DYNC2H1: variants seen among roughly 807,000 people sequenced by gnomAD.
DYNC2H1 encodes cytoplasmic dynein 2 heavy chain 1.
In DYNC2H1, 410 loss-of-function variants were observed where a neutral mutation model predicts 570.0. The ratio of observed to expected loss-of-function variants is 0.72; its 90% CI spans 0.66 to 0.78. The LOEUF (loss-of-function observed/expected upper bound fraction) is 0.78, where lower values mean the gene tolerates loss of function less well. Among genes scored for constraint, DYNC2H1 ranks in the 30% least tolerant of loss-of-function variants. The pLI is 0.00. For missense variants in DYNC2H1, 4,865 were observed against 5,046.4 expected, an observed-to-expected ratio of 0.96 and a Z score of 1.09; for synonymous variants, 1,688 against 1,677.6, an observed-to-expected ratio of 1.01 and a Z score of -0.15.
At chr11:103,410,545 G>T (rs908476361) in intron 84 of DYNC2H1, among the ~76,000 whole-genome samples, 1 of 152,092 alleles carries the variant, frequency 6.6e-6, no homozygotes, top group African/African-American at 2.4e-5. Context: ...CAAGTCCTTT[G>T]AGTTTTAAGC....
Position 103,236,334 on chromosome 11 carries a change from C to T in DYNC2H1, c.9710-96C>T. 3.8e-6 allele frequency: 3 copies of T among 787,532 alleles called. No homozygotes were observed. In the East Asian group the frequency reaches 7.9e-5, roughly 21 times the overall value. 48.8% of individuals were successfully genotyped at this position (787,532 alleles called of 1,614,324 possible). Reference sequence around the variant, plus strand: ...AGAATGGGTTTCAAGTAAGGACTGTCATAGGACTTTTGTTTCGGAATAAAT... The same window carrying T: ...AGAATGGGTTTCAAGTAAGGACTGTTATAGGACTTTTGTTTCGGAATAAAT... On this transcript the variant is annotated intron_variant, in intron 62 of 88. Transcript: ENST00000375735.
rs1317008195 is a variant in DYNC2H1, at chr11:103,299,110, C to T, written c.11096-3983C>T. On this transcript the variant is annotated intron_variant, in intron 75 of 88. Transcript: ENST00000375735. The surrounding 1 kb of genome is among the most constrained non-coding windows in gnomAD (Gnocchi z 4.5). The stretch of plus-strand genomic sequence containing the variant: ...TTGAGGTATTGGAAATGTAAAGAGA[C>T]ATGTCCCCATACGGTGCTACAATAA... Among the ~76,000 whole-genome samples, 3 of 151,960 alleles carry T rather than the reference C, an allele frequency of 2.0e-5. No individual in the cohort carries two copies. Among genetic ancestry groups the T allele is most frequent in the Non-Finnish European group, 4.4e-5 (3 of 67,964 alleles).
At chr11:103,159,206 T>C (rs925075277) in intron 28 of DYNC2H1, among the ~76,000 whole-genome samples, 179 bp downstream of exon 28, 3 of 152,180 alleles carry the variant, frequency 2.0e-5, no homozygotes, top group Admixed American at 6.5e-5. Context: ...TTGACAAATA[T>C]AATACAGTGT....
chr11:103,298,285 C>T (rs530233531), intron 75 of DYNC2H1, among the ~76,000 whole-genome samples: 20 of 152,136 alleles, frequency 1.3e-4, no homozygotes, highest in African/African-American at 4.6e-4. Context: ...ATTGCTCAAA[C>T]GCATGTTAAA....
intron 52 of DYNC2H1, among the ~76,000 whole-genome samples, chr11:103,206,587 A>C (rs3016438): frequency 0.93 from 141,728 of 152,154 alleles, 66,038 homozygotes; most frequent in African/African-American, 0.94. Flanking sequence ...GAAGAACCAA[A>C]GGACACTGAG....
rs1447721690 is a variant in DYNC2H1, at chr11:103,446,146, TTGG to T, written c.12457-9036_12457-9034del. On this transcript the variant is annotated intron_variant, in intron 85 of 88. Coordinates refer to ENST00000375735, the MANE Select transcript of DYNC2H1 (RefSeq NM_001377.3). The surrounding 1 kb of genome is among the most constrained non-coding windows in gnomAD (Gnocchi z 4.5). ...TAAGTTTAGATGTCTTTTAGACATCTTGGTGGAAATGTCAGAGAAGTAATTGAT... is the reference window on the plus strand; with the variant it reads ...TAAGTTTAGATGTCTTTTAGACATCTTGGAAATGTCAGAGAAGTAATTGAT... 6.6e-6 allele frequency among the ~76,000 whole-genome samples: 1 copy of T among 152,144 alleles called. No homozygotes were observed. The highest frequency in any genetic ancestry group is 1.5e-5 in the Non-Finnish European group (1 of 68,034).
At chr11:103,336,552 G>C (rs934541080) in intron 82 of DYNC2H1, among the ~76,000 whole-genome samples, 3 of 152,048 alleles carry the variant, frequency 2.0e-5, no homozygotes, top group South Asian at 4.2e-4. Flanking sequence ...ATGAGAACAT[G>C]CAGTATTTGT....
In DYNC2H1 at chr11:103,199,367, G is replaced by A; in HGVS notation, c.7979G>A (p.Gly2660Asp). The A allele has an allele frequency of 6.2e-7, 1 of 1,610,014 alleles. No homozygotes were observed. The highest frequency in any genetic ancestry group is 8.5e-7 in the Non-Finnish European group (1 of 1,178,734). The part of the protein sequence containing the change: ...SLLLAGRSGV[G>D]RRTITSLVSH... Reference sequence around the variant, plus strand: ...CTATTAGCAGGACGCAGTGGTGTAGGTCGTCGGACCATCACTTCTTTAGTC... The same window carrying A: ...CTATTAGCAGGACGCAGTGGTGTAGATCGTCGGACCATCACTTCTTTAGTC... Residue 2660 changes from glycine (G) to aspartate (D), a missense_variant, in exon 49 of 89, where the codon GGT (glycine) becomes GAT (aspartate). Physicochemically the swap from Gly to Asp is moderately conservative, Grantham distance 94 (BLOSUM62 -1). This residue lies in a region of DYNC2H1 where 2,401 missense variants were observed against 2,454.6 expected (regional missense o/e 0.98). Transcript: ENST00000375735. The surrounding 1 kb of genome is among the most constrained non-coding windows in gnomAD (Gnocchi z 4.6).
intron 85 of DYNC2H1, among the ~76,000 whole-genome samples, chr11:103,452,948 C>T (rs1261785722): frequency 6.6e-6 from 1 of 151,932 alleles, no homozygotes; most frequent in African/African-American, 2.4e-5. Context: ...TGGAGGTAAA[C>T]TCGATAATCT....
chr11:103,240,878 TG>T (rs1415051184), intron 63 of DYNC2H1, among the ~76,000 whole-genome samples: 1 of 152,202 alleles, frequency 6.6e-6, no homozygotes, highest in Non-Finnish European at 1.5e-5. Flanking sequence ...AAGCTGATCA[TG>T]ATCAGACAGA....
chr11:103,339,963 G>A (rs1468380628), intron 82 of DYNC2H1, among the ~76,000 whole-genome samples: 1 of 152,186 alleles, frequency 6.6e-6, no homozygotes, highest in Admixed American at 6.5e-5. Flanking sequence ...TTCCAATGCA[G>A]TATCCCACAC....
At position 103,376,527 on chromosome 11, in the gene DYNC2H1, G is replaced by A. The variant is rs565136600; in HGVS notation, c.12156+18168G>A. Among the ~76,000 whole-genome samples the A allele has an allele frequency of 2.6e-5, 4 of 152,120 alleles. No homozygotes were observed. In the East Asian group the frequency reaches 5.8e-4, roughly 22 times the overall value. On this transcript the variant is annotated intron_variant, in intron 83 of 88. Transcript: ENST00000375735. ...GGCTAACATAAAGAATCCTGTAGTT[G>A]TAACAGAGTATTTTAAGCTGATAAT...
intron 84 of DYNC2H1, among the ~76,000 whole-genome samples, chr11:103,420,773 A>G (rs372782299): frequency 1.6e-4 from 25 of 152,336 alleles, no homozygotes; most frequent in African/African-American, 5.8e-4. Flanking sequence ...CTACAAAAAC[A>G]CACTGAGGAA....
At position 103,145,765 on chromosome 11, in the gene DYNC2H1, A is replaced by G. The variant is rs367893752; in HGVS notation, c.2703-2007A>G. Among the ~76,000 whole-genome samples, 12 of 152,342 alleles carry G rather than the reference A, an allele frequency of 7.9e-5. 1 individual carries two copies. Among genetic ancestry groups the G allele is most frequent in the African/African-American group, 2.9e-4 (12 of 41,574 alleles). Reference sequence around the variant, plus strand: ...TGTATTTTAGATAGTATCATAAGAAAATCATTTTTGAATATGCATCTTTGA... The same window carrying G: ...TGTATTTTAGATAGTATCATAAGAAGATCATTTTTGAATATGCATCTTTGA... On this transcript the variant is annotated intron_variant, in intron 18 of 88. Coordinates refer to ENST00000375735, the MANE Select transcript of DYNC2H1 (RefSeq NM_001377.3). This position sits in a 1 kb window ranked among gnomAD's most constrained non-coding sequence, Gnocchi z 4.2.
chr11:103,200,585 G>C (rs1490447203), intron 50 of DYNC2H1, among the ~76,000 whole-genome samples: 1 of 152,096 alleles, frequency 6.6e-6, no homozygotes, highest in African/African-American at 2.4e-5. Context: ...ACAAACATTT[G>C]ATAGAACCTT....
chr11:103,191,407 A>G lies in DYNC2H1; in HGVS notation c.7438-110A>G. The stretch of plus-strand genomic sequence containing the variant: ...GTCATTTATATTGAAATCCAGTTCC[A>G]TCTACAGGTAGAAATTGGTATTCCT... On this transcript the variant is annotated intron_variant, in intron 45 of 88. Coordinates refer to ENST00000375735, the MANE Select transcript of DYNC2H1 (RefSeq NM_001377.3). 3 of 698,776 alleles carry G rather than the reference A, an allele frequency of 4.3e-6. No individual in the cohort carries two copies. The South Asian group carries it at 6.1e-5, about 14-fold the overall frequency. The allele number at this position is 698,776 out of a possible 1,614,324, so 43.3% of individuals were successfully genotyped here.
At chr11:103,460,467 A>G (rs1051882436) in intron 87 of DYNC2H1, among the ~76,000 whole-genome samples, 5 of 133,880 alleles carry the variant, frequency 3.7e-5, no homozygotes, top group African/African-American at 5.4e-5. Context: ...ATTGTTTTGT[A>G]CATTGGGGCA....
At position 103,203,540 on chromosome 11, in the gene DYNC2H1, A is replaced by G. The variant is rs1322962572; in HGVS notation, c.8198-123A>G. 6 of 617,576 alleles carry G rather than the reference A, an allele frequency of 9.7e-6. No individual in the cohort carries two copies. The highest frequency in any genetic ancestry group is 1.6e-5 in the Non-Finnish European group (6 of 367,964). 38.3% of individuals were successfully genotyped at this position (617,576 alleles called of 1,614,324 possible). A position where few individuals can be genotyped will look rare whatever the true frequency, so the allele number is the denominator to read the frequency against. ...ATAGATAAAGATTTGTGAGTCAAGT[A>G]GAGGTAATAAAGTTTGTATATTTTT... On this transcript the variant is annotated intron_variant, in intron 50 of 88. Transcript: ENST00000375735. This position sits in a 1 kb window ranked among gnomAD's most constrained non-coding sequence, Gnocchi z 4.7.
rs1237123392 is a variant in DYNC2H1, at chr11:103,134,365, C to T, written c.2151C>T (p.Arg717=). The T allele has an allele frequency of 1.9e-6, 3 of 1,612,106 alleles. No individual in the cohort carries two copies. In the East Asian group the frequency reaches 6.7e-5, roughly 36 times the overall value. ...TTGATCTGCTTCGGCAGCAACAGCG[C>T]TGGAAAGATGGATTACAAGAATTGA... is the stretch of plus-strand genomic sequence containing the variant. The part of the protein sequence containing the change: ...MNIDLLRQQQ[R]WKDGLQELRT... The change falls in exon 15 of 89, where the codon CGC becomes CGT. Residue 717 remains arginine (R), a synonymous_variant. Coordinates refer to ENST00000375735, the MANE Select transcript of DYNC2H1 (RefSeq NM_001377.3).
Sources: allele counts gnomAD v4.1 joint callset (sites outside exome capture counted in the v4.1 genomes callset), GRCh38; gene constraint gnomAD v4.1.1; regional missense constraint gnomAD v4.1.1; non-coding constraint Gnocchi (gnomAD v3.1); transcripts MANE v1.5; gene names NCBI Gene and HGNC (gene_info 2026-07-23, HGNC 2026-07-21).